The following NEGR1 variants were observed in gnomAD, a reference collection of about 807,000 sequenced individuals.
The protein encoded by NEGR1 is IgLON family member 4.
Under a neutral mutation model 40.9 loss-of-function variants are expected in NEGR1, and 10 were observed. That is an observed-to-expected ratio of 0.24 (90% confidence interval 0.15 to 0.42). The LOEUF (loss-of-function observed/expected upper bound fraction) is 0.42, where lower values mean the gene tolerates loss of function less well. Ranked by LOEUF, NEGR1 falls within the 10% of genes least tolerant of loss-of-function variation. The pLI, the probability that NEGR1 is intolerant of heterozygous loss-of-function variation, is 1.00. For synonymous variants in NEGR1, 185 were observed against 166.8 expected (o/e 1.11, Z -0.84); for missense variants, 352 against 438.9 (o/e 0.80, Z 1.77).
chr1:71,929,060 A>C (rs912689766), intron 2 of NEGR1, among the ~76,000 whole-genome samples: 1 of 152,130 alleles, frequency 6.6e-6, no homozygotes, highest in Non-Finnish European at 1.5e-5. Flanking sequence ...AATTATAGAG[A>C]GCAAATAATA....
chr1:71,769,028 C>T (rs1236449248), intron 3 of NEGR1, among the ~76,000 whole-genome samples: 1 of 151,978 alleles, frequency 6.6e-6, no homozygotes, highest in Non-Finnish European at 1.5e-5. Flanking sequence ...GCCTTGCCTC[C>T]TGTACAGCCT....
intron 4 of NEGR1, among the ~76,000 whole-genome samples, chr1:71,687,436 T>C (rs1480302265): frequency 6.6e-6 from 1 of 152,226 alleles, no homozygotes; most frequent in Non-Finnish European, 1.5e-5. Flanking sequence ...TGTTTGTTTT[T>C]TGCACTGCTG....
intron 6 of NEGR1, among the ~76,000 whole-genome samples, chr1:71,447,647 C>T (rs1646592064): frequency 6.6e-6 from 1 of 152,150 alleles, no homozygotes; most frequent in African/African-American, 2.4e-5. Context: ...TTCCTAAGTA[C>T]AGTTAATTTC....
At chr1:71,750,153 C>T (rs1655522428) in intron 3 of NEGR1, among the ~76,000 whole-genome samples, 1 of 152,002 alleles carries the variant, frequency 6.6e-6, no homozygotes, top group Non-Finnish European at 1.5e-5. Flanking sequence ...GCCACCGCGC[C>T]CGGCTAATTT....
chr1:71,692,143 C>T (rs1377103218), intron 4 of NEGR1, among the ~76,000 whole-genome samples: 3 of 151,464 alleles, frequency 2.0e-5, no homozygotes, highest in African/African-American at 7.3e-5. Flanking sequence ...TTATAGTAAG[C>T]AGTAAGTAAA....
chr1:72,001,252 T>A (rs768636815), intron 1 of NEGR1, among the ~76,000 whole-genome samples: 21 of 151,976 alleles, frequency 1.4e-4, no homozygotes, highest in Admixed American at 8.5e-4. Flanking sequence ...TCTCTTTCTT[T>A]CCCTTATTAA....
chr1:72,073,830 A>G (rs537070919), intron 1 of NEGR1, among the ~76,000 whole-genome samples: 1 of 152,050 alleles, frequency 6.6e-6, no homozygotes, highest in Non-Finnish European at 1.5e-5. Flanking sequence ...AAGAAGAGAC[A>G]TAAGAAAGAA....
chr1:71,652,306 G>C lies in NEGR1; in HGVS notation c.668-41160C>G, dbSNP rs117754943. On this transcript the variant is annotated intron_variant, in intron 4 of 6. Coordinates refer to ENST00000357731, the MANE Select transcript of NEGR1 (RefSeq NM_173808.3). ...TACACTATCAATTACTCAGTCTTTG[G>C]TAAAAAGTAATTTGGTTAGCTATTT... 2.7e-3 allele frequency among the ~76,000 whole-genome samples: 417 copies of C among 152,094 alleles called. 7 individuals carry two copies. The highest frequency in any genetic ancestry group is 0.02 in the Admixed American group (299 of 15,268).
intron 2 of NEGR1, among the ~76,000 whole-genome samples, chr1:71,859,830 A>G (rs1659891388): frequency 6.6e-6 from 1 of 152,088 alleles, no homozygotes; most frequent in Admixed American, 6.6e-5. Flanking sequence ...ATTGTATTTA[A>G]TTGTTCAGTA....
intron 1 of NEGR1, among the ~76,000 whole-genome samples, chr1:71,955,898 C>T (rs1445428360): frequency 2.6e-5 from 4 of 152,190 alleles, no homozygotes; most frequent in Middle Eastern, 3.4e-3. Flanking sequence ...ATAAACAAAA[C>T]GTAGTTCTTT....
chr1:72,219,585 G>T (rs1055694303), intron 1 of NEGR1, among the ~76,000 whole-genome samples: 1 of 152,048 alleles, frequency 6.6e-6, no homozygotes, highest in African/African-American at 2.4e-5. Context: ...TAAAATTTTA[G>T]AAAGTTGTCT....
intron 1 of NEGR1, among the ~76,000 whole-genome samples, chr1:71,963,332 G>T (rs1017538721): frequency 7.2e-5 from 11 of 152,036 alleles, no homozygotes; most frequent in African/African-American, 2.7e-4. Context: ...ACCTCTAAGT[G>T]GTCATCAGCA....
At chr1:71,962,282 C>T (rs537243777) in intron 1 of NEGR1, among the ~76,000 whole-genome samples, 6 of 152,072 alleles carry the variant, frequency 3.9e-5, no homozygotes, top group East Asian at 3.9e-4. Flanking sequence ...GATTTCTTTT[C>T]GGTTTTACAC....
rs144610515 is a variant in NEGR1, at chr1:71,669,250, T to A, written c.667+28758A>T. Reference sequence around the variant, plus strand: ...TCTATCTCTTTCTATGCTTTTAAATTCAATGCAGGATCCTGCTATTTAAAG... The same window carrying A: ...TCTATCTCTTTCTATGCTTTTAAATACAATGCAGGATCCTGCTATTTAAAG... On this transcript the variant is annotated intron_variant, in intron 4 of 6. Coordinates refer to ENST00000357731, the MANE Select transcript of NEGR1 (RefSeq NM_173808.3). Among the ~76,000 whole-genome samples, 1,032 of 152,270 alleles carry A rather than the reference T, an allele frequency of 6.8e-3. 12 individuals are homozygous for A. The highest frequency in any genetic ancestry group is 0.023 in the African/African-American group (968 of 41,574).
intron 2 of NEGR1, among the ~76,000 whole-genome samples, chr1:71,934,790 GACT>G (rs1427412702): frequency 6.6e-6 from 1 of 152,010 alleles, no homozygotes; most frequent in Non-Finnish European, 1.5e-5. Flanking sequence ...ACTTCTTAAT[GACT>G]ACAATACTTG....
intron 2 of NEGR1, among the ~76,000 whole-genome samples, chr1:71,817,092 C>T (rs966684219): frequency 1.4e-4 from 21 of 152,040 alleles, no homozygotes; most frequent in African/African-American, 4.8e-4. Context: ...ATCAGGTTTC[C>T]GTCTCTAACA....
At chr1:71,896,100 C>T (rs79812554) in intron 2 of NEGR1, among the ~76,000 whole-genome samples, 4,427 of 141,972 alleles carry the variant, frequency 0.031, 223 homozygotes, top group African/African-American at 0.11. Context: ...TGCAGTGGCA[C>T]AATCTCGGCT....
intron 1 of NEGR1, among the ~76,000 whole-genome samples, chr1:72,039,866 G>T (rs1646936735): frequency 6.6e-6 from 1 of 151,946 alleles, no homozygotes; most frequent in African/African-American, 2.4e-5. Flanking sequence ...GATAATCATT[G>T]ACCATTTTGG....
At chr1:72,224,874 A>T (rs1303536347) in intron 1 of NEGR1, among the ~76,000 whole-genome samples, 1 of 152,102 alleles carries the variant, frequency 6.6e-6, no homozygotes, top group Non-Finnish European at 1.5e-5. Context: ...TTATGCAAAG[A>T]TACGCATAAT....
Sources: gnomAD v4.1 joint callset for allele counts (sites outside exome capture counted in the v4.1 genomes callset) on GRCh38, gnomAD v4.1.1 for gene constraint, MANE v1.5 for transcripts, NCBI Gene and HGNC (gene_info 2026-07-23, HGNC 2026-07-21) for gene names.